The following FAR1 variants were observed in gnomAD, a reference collection of about 807,000 sequenced individuals.
FAR1 encodes fatty acyl-CoA reductase 1.
FAR1 carries 22 observed loss-of-function variants against 61.1 expected under a neutral mutation model. The observed-to-expected ratio is 0.36, with a 90% CI of 0.26 to 0.51. The LOEUF (loss-of-function observed/expected upper bound fraction) is 0.51. Ranked by LOEUF, FAR1 falls within the 20% of genes least tolerant of loss-of-function variation. FAR1 has a pLI of 0.95. For missense variants in FAR1, 359 were observed against 626.9 expected, an observed-to-expected ratio of 0.57 and a Z score of 4.56; for synonymous variants, 206 against 209.7, an observed-to-expected ratio of 0.98 and a Z score of 0.15.
At chr11:13,724,029 C>T (rs1848642742) in intron 10 of FAR1, among the ~76,000 whole-genome samples, 1 of 152,086 alleles carries the variant, frequency 6.6e-6, no homozygotes, top group African/African-American at 2.4e-5. Flanking sequence ...ACCCATGGCA[C>T]CTAATTTTTT....
At chr11:13,719,280 C>T (rs1286099846) in intron 9 of FAR1, among the ~76,000 whole-genome samples, 1 of 152,088 alleles carries the variant, frequency 6.6e-6, no homozygotes, top group Admixed American at 6.6e-5. Context: ...CAGGACAGAT[C>T]CTTGACCTCC....
rs1241327404 is a variant in FAR1 at position 13,731,466 on chromosome 11, A to G, written c.*2692A>G. 1 of 152,588 alleles carries G rather than the reference A, an allele frequency of 6.6e-6. No individual in the cohort carries two copies. Among genetic ancestry groups the G allele is most frequent in the Non-Finnish European group, 1.5e-5 (1 of 68,020 alleles). The allele number at this position is 152,588 out of a possible 1,614,324, so 9.5% of individuals were successfully genotyped here. ...ATTGGGTGCCTTTGTTTGTAAACCA[A>G]AAAGTAATAAATGAATCCCTATATT... On this transcript the variant is annotated 3_prime_UTR_variant, in exon 12 of 12. Transcript: ENST00000354817.
chr11:13,710,899 C>G, intron 5 of FAR1, 29 bp downstream of exon 5: 3 of 1,586,466 alleles, frequency 1.9e-6, no homozygotes, highest in Non-Finnish European at 2.6e-6. Context: ...TTATAAATAA[C>G]TGGAGTTGAG....
intron 1 of FAR1, among the ~76,000 whole-genome samples, chr11:13,687,793 G>A (rs1308673056): frequency 6.6e-6 from 1 of 152,052 alleles, no homozygotes; most frequent in Non-Finnish European, 1.5e-5. Flanking sequence ...ATGAGTTCAT[G>A]TCCTTTGTAG....
chr11:13,728,969 C>A lies in FAR1; in HGVS notation c.*195C>A. On this transcript the variant is annotated 3_prime_UTR_variant, in exon 12 of 12. Transcript: ENST00000354817. The stretch of plus-strand genomic sequence containing the variant: ...AACTTAGTGAACACACTGTGTTATG[C>A]CAGCTCAAATCTACAGTAGCCACCA... 2.1e-6 allele frequency: 1 copy of A among 478,074 alleles called. No individual in the cohort carries two copies. Among genetic ancestry groups the A allele is most frequent in the South Asian group, 3.1e-5 (1 of 32,768 alleles). 29.6% of individuals were successfully genotyped at this position (478,074 alleles called of 1,614,324 possible).
In FAR1 at chr11:13,721,595, G is replaced by A. The variant is rs1033428318; in HGVS notation, c.1128-135G>A. 7 of 623,338 alleles carry A rather than the reference G, an allele frequency of 1.1e-5. No individual in the cohort carries two copies. Among genetic ancestry groups the A allele is most frequent in the Admixed American group, 7.4e-5 (2 of 26,980 alleles). 38.6% of individuals were successfully genotyped at this position (623,338 alleles called of 1,614,324 possible). A position where few individuals can be genotyped will look rare whatever the true frequency, so the allele number is the denominator to read the frequency against. The stretch of plus-strand genomic sequence containing the variant: ...AATAGTCTTATTCCCTGCTGATTTG[G>A]TACACTTAATGATTAAATGTTATAA... On this transcript the variant is annotated intron_variant, in intron 9 of 11. Coordinates refer to ENST00000354817, the MANE Select transcript of FAR1 (RefSeq NM_032228.6). The surrounding 1 kb of genome is among the most constrained non-coding windows in gnomAD (Gnocchi z 4.2).
chr11:13,720,231 CAAGAGTT>C (rs1848595843), intron 9 of FAR1: 2 of 152,018 alleles, frequency 1.3e-5, no homozygotes, highest in South Asian at 4.1e-4. Context: ...TATCAGTGAA[CAAGAGTT>C]AAGAAAAACT....
chr11:13,712,325 T>C (rs1207229012), intron 7 of FAR1, among the ~76,000 whole-genome samples: 2 of 151,918 alleles, frequency 1.3e-5, no homozygotes, highest in Non-Finnish European at 2.9e-5. Context: ...TAAGCATGAT[T>C]TTTTAATCCA....
intron 11 of FAR1, 79 bp downstream of exon 11, chr11:13,727,762 T>G: frequency 7.5e-7 from 1 of 1,332,238 alleles, no homozygotes; most frequent in Non-Finnish European, 1.0e-6. Context: ...AACTGGTATA[T>G]TTGCTATATC....
chr11:13,685,126 G>C (rs1848172256), intron 1 of FAR1, among the ~76,000 whole-genome samples: 1 of 152,104 alleles, frequency 6.6e-6, no homozygotes, highest in African/African-American at 2.4e-5. Flanking sequence ...TATTCAAATT[G>C]ATAGTGACAA....
chr11:13,708,434 T>TGA (rs1555063887), intron 4 of FAR1, among the ~76,000 whole-genome samples: 1 of 134,382 alleles, frequency 7.4e-6, no homozygotes, highest in Non-Finnish European at 1.6e-5. Context: ...CATATACATG[T>TGA]GCGCGCGCGC....
chr11:13,682,735 A>G (rs909223073), intron 1 of FAR1, among the ~76,000 whole-genome samples: 3 of 152,034 alleles, frequency 2.0e-5, no homozygotes, highest in African/African-American at 7.3e-5. Context: ...CAGCCTCTCA[A>G]GTAGCTAGAA....
rs1848726843 is a variant in FAR1 at position 13,731,599 on chromosome 11, T to A, written c.*2825T>A. 6.6e-6 allele frequency: 1 copy of A among 152,490 alleles called. No individual in the cohort carries two copies. Among genetic ancestry groups the A allele is most frequent in the East Asian group, 1.9e-4 (1 of 5,186 alleles). The allele number at this position is 152,490 out of a possible 1,614,324, so 9.4% of individuals were successfully genotyped here. A position where few individuals can be genotyped will look rare whatever the true frequency, so the allele number is the denominator to read the frequency against. ...ACTTACACTTCTTGTCTGTTTTAGG[T>A]GTACTTGTTAATTCTTATGTCCTAA... On this transcript the variant is annotated 3_prime_UTR_variant, in exon 12 of 12. Transcript: ENST00000354817.
At chr11:13,699,374 A>G (rs1314859497) in intron 2 of FAR1, among the ~76,000 whole-genome samples, 1 of 152,236 alleles carries the variant, frequency 6.6e-6, no homozygotes, top group African/African-American at 2.4e-5. Context: ...GAAAACATTA[A>G]TATTCAAGTC....
At chr11:13,710,431 C>T (rs1234403031) in intron 4 of FAR1, among the ~76,000 whole-genome samples, 1 of 149,212 alleles carries the variant, frequency 6.7e-6, no homozygotes, top group Admixed American at 6.7e-5. Flanking sequence ...CAGTGTAGAT[C>T]AGATTTTGCT....
intron 10 of FAR1, among the ~76,000 whole-genome samples, chr11:13,725,051 G>A (rs1848654970): frequency 6.6e-6 from 1 of 152,096 alleles, no homozygotes; most frequent in African/African-American, 2.4e-5. Context: ...ACCTATTTTT[G>A]ACTTTATATA....
chr11:13,698,406 T>C (rs1848331796), intron 2 of FAR1, among the ~76,000 whole-genome samples: 1 of 152,204 alleles, frequency 6.6e-6, no homozygotes. Flanking sequence ...ATCCTGAATC[T>C]CATTGCCGTT....
intron 3 of FAR1, among the ~76,000 whole-genome samples, chr11:13,707,517 T>C (rs947542409): frequency 2.0e-5 from 3 of 152,202 alleles, no homozygotes; most frequent in African/African-American, 7.2e-5. Context: ...ATTCTATTTT[T>C]TTCTCCCTGT....
chr11:13,677,486 C>T (rs1454164287), intron 1 of FAR1, among the ~76,000 whole-genome samples: 1 of 152,144 alleles, frequency 6.6e-6, no homozygotes, highest in Non-Finnish European at 1.5e-5. Flanking sequence ...CATTTAAATA[C>T]ATTCCTAAAA....
Sources: gnomAD v4.1 joint callset for allele counts (sites outside exome capture counted in the v4.1 genomes callset) on GRCh38, gnomAD v4.1.1 for gene constraint, Gnocchi (gnomAD v3.1) non-coding constraint, MANE v1.5 for transcripts, NCBI Gene and HGNC (gene_info 2026-07-23, HGNC 2026-07-21) for gene names.